JAKMIP1: variants seen among roughly 807,000 people sequenced by gnomAD.
The protein encoded by JAKMIP1 is janus kinase and microtubule interacting protein 1.
A neutral mutation model predicts 113.0 loss-of-function variants in JAKMIP1; 33 were observed. That is an observed-to-expected ratio of 0.29 (90% CI 0.22 to 0.39). The LOEUF (loss-of-function observed/expected upper bound fraction) is 0.39. Among genes scored for constraint, JAKMIP1 ranks in the 10% least tolerant of loss-of-function variants. The probability of loss-of-function intolerance (pLI) is 1.00; values close to 1 mark genes in which losing one functional copy is unlikely to be tolerated. For missense variants in JAKMIP1, 813 were observed against 1,080.5 expected, an observed-to-expected ratio of 0.75 and a Z score of 3.47; for synonymous variants, 480 against 459.9, an observed-to-expected ratio of 1.04 and a Z score of -0.56.
chr4:6,112,049 T>A (rs1213069616), intron 2 of JAKMIP1, among the ~76,000 whole-genome samples: 1 of 152,236 alleles, frequency 6.6e-6, no homozygotes, highest in Admixed American at 6.5e-5. Flanking sequence ...TACCTCACTA[T>A]GCCCTACTCC....
rs1243821133 is a variant in JAKMIP1 at position 6,183,124 on chromosome 4, T to C, written c.-148+17129A>G. On this transcript the variant is annotated intron_variant, in intron 1 of 20. Coordinates refer to ENST00000409021, the MANE Select transcript of JAKMIP1 (RefSeq NM_001099433.2). This position sits in a 1 kb window ranked among gnomAD's most constrained non-coding sequence, Gnocchi z 5.3. ...TAAACATGATACAGGCAGATAACAA[T>C]ACCACAGATATCTAGACACACAGAT... Among the ~76,000 whole-genome samples, 1 of 152,116 alleles carries C rather than the reference T, an allele frequency of 6.6e-6. No individual in the cohort carries two copies. Among genetic ancestry groups the C allele is most frequent in the Non-Finnish European group, 1.5e-5 (1 of 68,014 alleles).
intron 1 of JAKMIP1, among the ~76,000 whole-genome samples, chr4:6,191,460 AC>A (rs1424879193): frequency 6.6e-6 from 1 of 152,156 alleles, no homozygotes; most frequent in East Asian, 1.9e-4. Flanking sequence ...AGACCTTGCC[AC>A]CCCTTGTCCT....
rs1299744190 is a variant in JAKMIP1 at position 6,186,539 on chromosome 4, T to G, written c.-148+13714A>C. 6.6e-6 allele frequency among the ~76,000 whole-genome samples: 1 copy of G among 152,222 alleles called. No individual in the cohort carries two copies. Among genetic ancestry groups the G allele is most frequent in the African/African-American group, 2.4e-5 (1 of 41,456 alleles). On this transcript the variant is annotated intron_variant, in intron 1 of 20. Coordinates refer to ENST00000409021, the MANE Select transcript of JAKMIP1 (RefSeq NM_001099433.2). The surrounding 1 kb of genome is among the most constrained non-coding windows in gnomAD (Gnocchi z 5.5). ...AGTCACAGAACGTGCTTTGCTTTTT[T>G]GTTTGCTTGTTTTCTCTCCTTTTAA...
intron 1 of JAKMIP1, among the ~76,000 whole-genome samples, chr4:6,148,999 C>T (rs1002822331): frequency 1.3e-5 from 2 of 152,098 alleles, no homozygotes; most frequent in African/African-American, 4.8e-5. Context: ...GCCACGGATG[C>T]TTTAGGTTTG....
Position 6,136,066 on chromosome 4 carries a change from T to TG in JAKMIP1, c.-147-23070dup, listed in dbSNP as rs1719199185. On this transcript the variant is annotated intron_variant, in intron 1 of 20. Transcript: ENST00000409021. The surrounding 1 kb of genome is among the most constrained non-coding windows in gnomAD (Gnocchi z 5.9). ...TTCAAGATCAGCCTGGCGAACAGGG[T>TG]GAAACCCCATCTCTACTAAAGATAC... 6.6e-6 allele frequency among the ~76,000 whole-genome samples: 1 copy of TG among 151,904 alleles called. No homozygotes were observed. Among genetic ancestry groups the TG allele is most frequent in the East Asian group, 1.9e-4 (1 of 5,172 alleles).
Position 6,167,070 on chromosome 4 carries a change from T to C in JAKMIP1, c.-148+33183A>G, listed in dbSNP as rs1300746339. ...CACATCAAGTACTTGGAACAGTGCC[T>C]GGTGCGTAGGGGGTACTCAGGGTGG... is the stretch of plus-strand genomic sequence containing the variant. On this transcript the variant is annotated intron_variant, in intron 1 of 20. Coordinates refer to ENST00000409021, the MANE Select transcript of JAKMIP1 (RefSeq NM_001099433.2). The surrounding 1 kb of genome is among the most constrained non-coding windows in gnomAD (Gnocchi z 5.3). 2.0e-5 allele frequency among the ~76,000 whole-genome samples: 3 copies of C among 152,146 alleles called. No individual in the cohort carries two copies.
intron 1 of JAKMIP1, among the ~76,000 whole-genome samples, chr4:6,174,247 C>T (rs1249884723): frequency 6.6e-6 from 1 of 152,166 alleles, no homozygotes; most frequent in Admixed American, 6.5e-5. Flanking sequence ...CAGTTGTAAA[C>T]AGGATGCAGC....
chr4:6,190,509 C>G (rs1460842286), intron 1 of JAKMIP1, among the ~76,000 whole-genome samples: 1 of 152,182 alleles, frequency 6.6e-6, no homozygotes, highest in African/African-American at 2.4e-5. Context: ...CCATTTCCAC[C>G]TGTGCAAGCT....
intron 1 of JAKMIP1, among the ~76,000 whole-genome samples, chr4:6,182,501 C>T (rs1279163239): frequency 6.6e-6 from 1 of 152,016 alleles, no homozygotes; most frequent in African/African-American, 2.4e-5. Flanking sequence ...TCTCTCTCCA[C>T]CATGCGAGGG....
Position 6,093,912 on chromosome 4 carries a change from G to A in JAKMIP1, c.625-8283C>T, listed in dbSNP as rs1390122492. 1.3e-5 allele frequency among the ~76,000 whole-genome samples: 2 copies of A among 152,008 alleles called. No individual in the cohort carries two copies. The highest frequency in any genetic ancestry group is 1.5e-5 in the Non-Finnish European group (1 of 68,008). On this transcript the variant is annotated intron_variant, in intron 3 of 20. Transcript: ENST00000409021. This position sits in a 1 kb window ranked among gnomAD's most constrained non-coding sequence, Gnocchi z 4.6. ...GGGCTCCAGAGTCCCACCTGCCCAG[G>A]AGGCTGCAAGTTCCCTCTTTTCTGC...
In JAKMIP1 at chr4:6,141,250, A is replaced by G. The variant is rs1484818010; in HGVS notation, c.-147-28253T>C. Among the ~76,000 whole-genome samples the G allele has an allele frequency of 6.6e-6, 1 of 152,176 alleles. No individual in the cohort carries two copies. Among genetic ancestry groups the G allele is most frequent in the East Asian group, 1.9e-4 (1 of 5,186 alleles). On this transcript the variant is annotated intron_variant, in intron 1 of 20. Coordinates refer to ENST00000409021, the MANE Select transcript of JAKMIP1 (RefSeq NM_001099433.2). The surrounding 1 kb of genome is among the most constrained non-coding windows in gnomAD (Gnocchi z 9.4). ...CAGGAATTCGAGACCAGCCTGGCCA[A>G]CATGGCGAAACCCCGTCTCTATTAA... is the stretch of plus-strand genomic sequence containing the variant.
chr4:6,038,703 G>A (rs1713894254), intron 18 of JAKMIP1, among the ~76,000 whole-genome samples: 2 of 152,306 alleles, frequency 1.3e-5, no homozygotes, highest in South Asian at 2.1e-4. Flanking sequence ...TTGCCCTTGG[G>A]GAACTAGAAG....
intron 16 of JAKMIP1, among the ~76,000 whole-genome samples, chr4:6,047,366 G>A (rs376974841): frequency 3.3e-5 from 5 of 152,252 alleles, no homozygotes; most frequent in African/African-American, 1.2e-4. Flanking sequence ...GTGACTACAC[G>A]GAGCACTGTT....
intron 1 of JAKMIP1, among the ~76,000 whole-genome samples, chr4:6,119,272 G>A (rs564153385): frequency 8.5e-5 from 13 of 152,234 alleles, no homozygotes; most frequent in South Asian, 4.1e-4. Context: ...GGCCGGGCGC[G>A]GTGGCTCACG....
chr4:6,056,796 A>G, intron 11 of JAKMIP1, 37 bp from the exon 12 acceptor site: 5 of 1,414,064 alleles, frequency 3.5e-6, no homozygotes, highest in Non-Finnish European at 5.0e-6. Flanking sequence ...CATTCATGGA[A>G]GCAAACAGAT....
In JAKMIP1 at chr4:6,093,337, T is replaced by G. The variant is rs1722347583; in HGVS notation, c.625-7708A>C. On this transcript the variant is annotated intron_variant, in intron 3 of 20. Transcript: ENST00000409021. The surrounding 1 kb of genome is among the most constrained non-coding windows in gnomAD (Gnocchi z 4.6). ...GCTGCCTGGAATCGTGTCTTATTTT[T>G]CTCTATAACTCAGTAAATAAATATT... 6.6e-6 allele frequency among the ~76,000 whole-genome samples: 1 copy of G among 152,208 alleles called. No individual in the cohort carries two copies. The highest frequency in any genetic ancestry group is 1.5e-5 in the Non-Finnish European group (1 of 68,044).
chr4:6,041,836 G>A (rs1032263047), intron 17 of JAKMIP1, among the ~76,000 whole-genome samples: 57 of 152,112 alleles, frequency 3.7e-4, no homozygotes, highest in African/African-American at 1.3e-3. Context: ...CTGCATTCAC[G>A]TGAGCTCATG....
rs556752366 is a variant in JAKMIP1, at chr4:6,093,324, C to A, written c.625-7695G>T. Among the ~76,000 whole-genome samples, 3 of 152,172 alleles carry A rather than the reference C, an allele frequency of 2.0e-5. No individual in the cohort carries two copies. The highest frequency in any genetic ancestry group is 6.5e-5 in the Admixed American group (1 of 15,276). ...CTGTAAGCGCTTTGCTGCCTGGAAT[C>A]GTGTCTTATTTTTCTCTATAACTCA... is the stretch of plus-strand genomic sequence containing the variant. On this transcript the variant is annotated intron_variant, in intron 3 of 20. Transcript: ENST00000409021. The surrounding 1 kb of genome is among the most constrained non-coding windows in gnomAD (Gnocchi z 4.6).
rs1015082562 is a variant in JAKMIP1 at position 6,188,800 on chromosome 4, C to T, written c.-148+11453G>A. Among the ~76,000 whole-genome samples, 1 of 152,196 alleles carries T rather than the reference C, an allele frequency of 6.6e-6. No individual in the cohort carries two copies. The highest frequency in any genetic ancestry group is 2.4e-5 in the African/African-American group (1 of 41,450). On this transcript the variant is annotated intron_variant, in intron 1 of 20. Transcript: ENST00000409021. The surrounding 1 kb of genome is among the most constrained non-coding windows in gnomAD (Gnocchi z 5.8). Reference sequence around the variant, plus strand: ...AATCCGGGGCTCTGCAATACACAGGCTCTCACAGACTTGGTTCATCCTGGG... The same window carrying T: ...AATCCGGGGCTCTGCAATACACAGGTTCTCACAGACTTGGTTCATCCTGGG...
Sources: gnomAD v4.1 joint callset for allele counts (sites outside exome capture counted in the v4.1 genomes callset) on GRCh38, gnomAD v4.1.1 for gene constraint, Gnocchi (gnomAD v3.1) non-coding constraint, MANE v1.5 for transcripts, NCBI Gene and HGNC (gene_info 2026-07-23, HGNC 2026-07-21) for gene names.